ZNF804B: variants seen among roughly 807,000 people sequenced by gnomAD.
ZNF804B encodes the protein zinc finger 804B.
In ZNF804B, 80 loss-of-function variants were observed where a neutral mutation model predicts 101.4. The observed-to-expected ratio is 0.79, with a 90% CI of 0.66 to 0.95. ZNF804B has a LOEUF of 0.95. ZNF804B is among the 40% of genes least tolerant of loss of function. The pLI, the probability that ZNF804B is intolerant of heterozygous loss-of-function variation, is 0.00. For synonymous variants in ZNF804B, 622 were observed against 558.8 expected, an observed-to-expected ratio of 1.11 and a Z score of -1.59; for missense variants, 1,673 against 1,561.9, an observed-to-expected ratio of 1.07 and a Z score of -1.20.
intron 1 of ZNF804B, among the ~76,000 whole-genome samples, chr7:88,938,441 C>T (rs929535765): frequency 2.6e-5 from 4 of 151,906 alleles, no homozygotes; most frequent in African/African-American, 4.8e-5. Flanking sequence ...TTTCAAAATA[C>T]GGCAAATAAA....
intron 1 of ZNF804B, among the ~76,000 whole-genome samples, chr7:88,846,624 GCC>G (rs1281841330): frequency 6.6e-6 from 1 of 152,090 alleles, no homozygotes; most frequent in Non-Finnish European, 1.5e-5. Context: ...ATTTCCTAAG[GCC>G]CAGGAAGGAA....
At chr7:89,188,386 C>T (rs2115605237) in intron 1 of ZNF804B, among the ~76,000 whole-genome samples, 1 of 152,162 alleles carries the variant, frequency 6.6e-6, no homozygotes, top group East Asian at 1.9e-4. Context: ...TCTCCTTCTC[C>T]TTGGCCCTCC....
rs1790546778 is a variant in ZNF804B at position 89,305,478 on chromosome 7, G to A, written c.250-21866G>A. On this transcript the variant is annotated intron_variant, in intron 2 of 3. Coordinates refer to ENST00000333190, the MANE Select transcript of ZNF804B (RefSeq NM_181646.5). ...GTAATTTTGAGTAGGTAGTGTCTCT[G>A]TCATAGTGTCCATTTCCAAGGTAAT... Among the ~76,000 whole-genome samples, 3 of 152,080 alleles carry A rather than the reference G, an allele frequency of 2.0e-5. No homozygotes were observed. In the South Asian group the frequency reaches 6.2e-4, roughly 31 times the overall value.
At chr7:89,255,482 C>T (rs777524907) in intron 2 of ZNF804B, among the ~76,000 whole-genome samples, 2 of 152,186 alleles carry the variant, frequency 1.3e-5, no homozygotes, top group Non-Finnish European at 2.9e-5. Flanking sequence ...ATTGGATTTA[C>T]AGCCCAGTGG....
chr7:88,827,743 G>A lies in ZNF804B; in HGVS notation c.108+67659G>A, dbSNP rs554707525. Reference sequence around the variant, plus strand: ...AAAGGCGTTCTCTGTGCAGCATGCCGTATTTCCATTAGTAGTGCTGCAACA... The same window carrying A: ...AAAGGCGTTCTCTGTGCAGCATGCCATATTTCCATTAGTAGTGCTGCAACA... On this transcript the variant is annotated intron_variant, in intron 1 of 3. Transcript: ENST00000333190. Among the ~76,000 whole-genome samples the A allele has an allele frequency of 2.0e-4, 31 of 152,066 alleles. No individual in the cohort carries two copies. The South Asian group carries it at 3.5e-3, about 17-fold the overall frequency.
chr7:88,811,934 C>T (rs943916167), intron 1 of ZNF804B, among the ~76,000 whole-genome samples: 3 of 152,096 alleles, frequency 2.0e-5, no homozygotes, highest in African/African-American at 7.2e-5. Flanking sequence ...ATCTCTGTAA[C>T]AAACCTGCAC....
intron 2 of ZNF804B, among the ~76,000 whole-genome samples, chr7:89,279,127 T>A (rs1329093810): frequency 8.5e-5 from 13 of 152,228 alleles, no homozygotes; most frequent in Admixed American, 5.2e-4. Flanking sequence ...TGAATGGGAG[T>A]TCACTCATGA....
chr7:89,328,797 A>G (rs1035222449), intron 3 of ZNF804B, among the ~76,000 whole-genome samples: 1 of 151,940 alleles, frequency 6.6e-6, no homozygotes, highest in African/African-American at 2.4e-5. Context: ...AGGGCACAAC[A>G]GTAAATCTAA....
chr7:89,249,295 A>C (rs1281843590), intron 2 of ZNF804B, among the ~76,000 whole-genome samples: 1 of 152,198 alleles, frequency 6.6e-6, no homozygotes, highest in East Asian at 1.9e-4. Context: ...ATATATATGT[A>C]CAGAACACTC....
chr7:88,957,936 A>G (rs199636510), intron 1 of ZNF804B, among the ~76,000 whole-genome samples: 57 of 132,824 alleles, frequency 4.3e-4, no homozygotes, highest in Middle Eastern at 4.2e-3. Context: ...GTGTGTGTGT[A>G]TATATATACA....
intron 2 of ZNF804B, among the ~76,000 whole-genome samples, chr7:89,241,787 C>T (rs1208822): frequency 0.42 from 61,897 of 148,994 alleles, 13,027 homozygotes; most frequent in African/African-American, 0.5. Context: ...CACATTTTCA[C>T]GCAGTGAGAA....
chr7:89,186,832 C>T (rs1788381738), intron 1 of ZNF804B, among the ~76,000 whole-genome samples: 1 of 152,070 alleles, frequency 6.6e-6, no homozygotes, highest in Non-Finnish European at 1.5e-5. Context: ...TATGATATAG[C>T]AGTTGTGTTG....
rs542712326 is a variant in ZNF804B at position 88,970,306 on chromosome 7, G to T, written c.108+210222G>T. Among the ~76,000 whole-genome samples, 153 of 150,966 alleles carry T rather than the reference G, an allele frequency of 1.0e-3. 2 individuals are homozygous for T. Among genetic ancestry groups the T allele is most frequent in the African/African-American group, 3.5e-3 (144 of 41,198 alleles). On this transcript the variant is annotated intron_variant, in intron 1 of 3. Coordinates refer to ENST00000333190, the MANE Select transcript of ZNF804B (RefSeq NM_181646.5). ...CTGCACCCATCAACCCATCACCTAG[G>T]TATTAAAGCCCCACATGCATTAGCT... is the stretch of plus-strand genomic sequence containing the variant.
Position 89,335,775 on chromosome 7 carries a change from A to T in ZNF804B, c.2793A>T (p.Arg931Ser), listed in dbSNP as rs761379800. Reference protein sequence around the residue: ...TPLTAKILLERVQAKKCQEQS... With the variant: ...TPLTAKILLESVQAKKCQEQS... ...TAACAGCAAAAATCCTTTTAGAAAG[A>T]GTACAAGCCAAGAAATGTCAAGAAC... The change falls in exon 4 of 4, where the codon AGA (arginine) becomes AGT (serine). Residue 931 changes from arginine (R) to serine (S), a missense_variant. Physicochemically the swap from Arg to Ser is moderately radical, Grantham distance 110 (BLOSUM62 -1). Coordinates refer to ENST00000333190, the MANE Select transcript of ZNF804B (RefSeq NM_181646.5). The T allele has an allele frequency of 2.5e-6, 4 of 1,614,000 alleles. No homozygotes were observed. The highest frequency in any genetic ancestry group is 3.4e-6 in the Non-Finnish European group (4 of 1,180,002).
At chr7:88,775,490 C>T (rs1326154347) in intron 1 of ZNF804B, among the ~76,000 whole-genome samples, 1 of 152,214 alleles carries the variant, frequency 6.6e-6, no homozygotes, top group East Asian at 1.9e-4. Context: ...ATAGTCCCAA[C>T]AGAAGCTTTT....
chr7:88,777,861 A>T (rs989560826), intron 1 of ZNF804B, among the ~76,000 whole-genome samples: 5 of 151,540 alleles, frequency 3.3e-5, no homozygotes, highest in Non-Finnish European at 5.9e-5. Context: ...AAAAAAAAAA[A>T]AAAAAATTGC....
rs1282506266 is a variant in ZNF804B, at chr7:89,334,992, G to C, written c.2010G>C (p.Gly670=). ...PCTVGGHSDH[G]KDFSVILKSN... ...CAGTAGGGGGTCACAGTGACCATGG[G>C]AAAGACTTCAGTGTAATTTTGAAGA... The change falls in exon 4 of 4, where the codon GGG becomes GGC. Residue 670 remains glycine (G), a synonymous_variant. Coordinates refer to ENST00000333190, the MANE Select transcript of ZNF804B (RefSeq NM_181646.5). 2.5e-6 allele frequency: 4 copies of C among 1,613,768 alleles called. No individual in the cohort carries two copies. Among genetic ancestry groups the C allele is most frequent in the Non-Finnish European group, 3.4e-6 (4 of 1,179,908 alleles).
chr7:89,245,816 C>A (rs1324395056), intron 2 of ZNF804B, among the ~76,000 whole-genome samples: 1 of 152,154 alleles, frequency 6.6e-6, no homozygotes, highest in African/African-American at 2.4e-5. Context: ...CAGCATCCAG[C>A]TGTTAAAAGT....
chr7:89,101,044 A>G (rs1234548750), intron 1 of ZNF804B, among the ~76,000 whole-genome samples: 5 of 152,046 alleles, frequency 3.3e-5, no homozygotes, highest in Non-Finnish European at 7.4e-5. Context: ...GATACATTCT[A>G]TTGTCATCAT....
Sources: gnomAD v4.1 joint callset for allele counts (sites outside exome capture counted in the v4.1 genomes callset) on GRCh38, gnomAD v4.1.1 for gene constraint, MANE v1.5 for transcripts, NCBI Gene and HGNC (gene_info 2026-07-23, HGNC 2026-07-21) for gene names.